QTRT1: variants seen among roughly 807,000 people sequenced by gnomAD.
The protein encoded by QTRT1 is TGT, 43-KD subunit.
QTRT1 carries 41 observed loss-of-function variants against 44.0 expected under a neutral mutation model. The observed-to-expected ratio is 0.93, with a 90% CI of 0.73 to 1.21. The LOEUF is 1.21. Among genes scored for constraint, QTRT1 ranks in the 50% most tolerant of loss-of-function variants. The probability of loss-of-function intolerance (pLI) is 0.00; values close to 1 mark genes in which losing one functional copy is unlikely to be tolerated. For missense variants in QTRT1, 542 were observed against 575.8 expected (o/e 0.94, Z 0.60); for synonymous variants, 226 against 237.1 (o/e 0.95, Z 0.43).
At chr19:10,706,468 G>C (rs1402330251) in intron 3 of QTRT1, among the ~76,000 whole-genome samples, 1 of 151,992 alleles carries the variant, frequency 6.6e-6, no homozygotes, top group Non-Finnish European at 1.5e-5. Flanking sequence ...CGTCTTCCGG[G>C]TTCAAGCGAT....
At chr19:10,708,645 A>G (rs994185476) in intron 5 of QTRT1, among the ~76,000 whole-genome samples, 1 of 151,980 alleles carries the variant, frequency 6.6e-6, no homozygotes, top group African/African-American at 2.4e-5. Flanking sequence ...TGATCCGACC[A>G]GAGTTGGAGC....
rs375494589 is a variant in QTRT1, at chr19:10,707,526, T to C, written c.557T>C (p.Ile186Thr). The C allele has an allele frequency of 1.9e-6, 3 of 1,613,170 alleles. No homozygotes were observed. The highest frequency in any genetic ancestry group is 2.2e-5 in the East Asian group (1 of 44,864). The change falls in exon 5 of 10, where the codon ATT becomes ACT. Residue 186 changes from isoleucine (I) to threonine (T), a missense_variant. By Grantham distance (89) the Ile-to-Thr change is moderately conservative (BLOSUM62 -1). Coordinates refer to ENST00000250237, the MANE Select transcript of QTRT1 (RefSeq NM_031209.3). ...YRSIRWLDRC[I>T]AAHQRPDKQN... ...TCAATCCGCTGGCTGGACCGGTGCA[T>C]TGCAGCCCATCAGCGGCCGGACAAG...
At chr19:10,701,832 A>G in intron 1 of QTRT1, 118 bp from the exon 2 acceptor site, 2 of 1,574,920 alleles carry the variant, frequency 1.3e-6, no homozygotes, top group Non-Finnish European at 1.7e-6. Flanking sequence ...CCCAATGACC[A>G]GGCCTTGTAC....
Position 10,705,238 on chromosome 19 carries a change from CT to C in QTRT1, c.452-2053del, listed in dbSNP as rs1198890902. Reference sequence around the variant, plus strand: ...CCCCATATTTATTTTTTCGTCTTTTCTTTTTTTTTTTCTTTTTTGAGAAGGA... The same window carrying C: ...CCCCATATTTATTTTTTCGTCTTTTCTTTTTTTTTTCTTTTTTGAGAAGGA... On this transcript the variant is annotated intron_variant, in intron 3 of 9. Coordinates refer to ENST00000250237, the MANE Select transcript of QTRT1 (RefSeq NM_031209.3). 4.3e-4 allele frequency among the ~76,000 whole-genome samples: 59 copies of C among 138,564 alleles called. 1 individual carries two copies. The East Asian group carries it at 4.3e-3, about 10-fold the overall frequency. The allele number at this position is 138,564 out of a possible 152,430, so 90.9% of individuals were successfully genotyped here. A position where few individuals can be genotyped will look rare whatever the true frequency, so the allele number is the denominator to read the frequency against.
chr19:10,713,017 A>G lies in QTRT1; in HGVS notation c.1036A>G (p.Thr346Ala), dbSNP rs2068746600. The change falls in exon 9 of 10, where the codon ACG becomes GCG. Residue 346 changes from threonine (T) to alanine (A), a missense_variant. Transcript: ENST00000250237. This position sits in a 1 kb window ranked among gnomAD's most constrained non-coding sequence, Gnocchi z 4.3. ...CAACACGGCCGCGCTGCACCACCTCACGGTCCACAACATCGCCTACCAGGT... is the reference window on the plus strand; with the variant it reads ...CAACACGGCCGCGCTGCACCACCTCGCGGTCCACAACATCGCCTACCAGGT... ...SDNTAALHHL[T>A]VHNIAYQLQL... The G allele has an allele frequency of 1.2e-6, 2 of 1,611,278 alleles. No individual in the cohort carries two copies. The highest frequency in any genetic ancestry group is 1.7e-6 in the Non-Finnish European group (2 of 1,179,822).
intron 5 of QTRT1, among the ~76,000 whole-genome samples, chr19:10,709,665 G>A (rs1268693180): frequency 3.3e-5 from 5 of 152,176 alleles, no homozygotes; most frequent in African/African-American, 4.8e-5. Context: ...TGGCTAACAC[G>A]GTGAAACCCC....
chr19:10,711,979 G>A (rs2068740544), intron 5 of QTRT1, 182 bp from the exon 6 acceptor site: 1 of 703,140 alleles, frequency 1.4e-6, no homozygotes, highest in African/African-American at 1.8e-5. Flanking sequence ...ACAAACTGAT[G>A]GACCCTCTCC....
Position 10,702,253 on chromosome 19 carries a change from G to C in QTRT1, c.450G>C (p.Leu150=). ...PEKSVQIQNA[L]GSDIIMQLDD... is the part of the protein sequence containing the mutation. ...AATCCGTGCAGATCCAGAATGCGCT[G>C]GGTGAGAGGACCCTGGGGAGCCGCC... The change falls in exon 3 of 10, where the codon CTG becomes CTC. Residue 150 remains leucine, a splice_region_variant and synonymous_variant. Transcript: ENST00000250237. 1 of 1,613,714 alleles carries C rather than the reference G, an allele frequency of 6.2e-7. No homozygotes were observed. Among genetic ancestry groups the C allele is most frequent in the Non-Finnish European group, 8.5e-7 (1 of 1,179,764 alleles).
At chr19:10,710,143 T>C (rs2068731972) in intron 5 of QTRT1, among the ~76,000 whole-genome samples, 1 of 151,614 alleles carries the variant, frequency 6.6e-6, no homozygotes, top group Non-Finnish European at 1.5e-5. Context: ...TATGATGACA[T>C]CACTGTACTG....
intron 5 of QTRT1, among the ~76,000 whole-genome samples, chr19:10,709,518 C>T (rs1241412950): frequency 1.3e-5 from 2 of 152,118 alleles, no homozygotes; most frequent in East Asian, 3.9e-4. Flanking sequence ...TCGAGACCAG[C>T]CTGGCCAACA....
At position 10,712,933 on chromosome 19, in the gene QTRT1, T is replaced by G; in HGVS notation, c.972-20T>G. ...GGGACAGGGCCTGGCCGTGCTGAGC[T>G]GTCCCCTGCCGCTCTACAGGCACAG... On this transcript the variant is annotated intron_variant, in intron 8 of 9. Coordinates refer to ENST00000250237, the MANE Select transcript of QTRT1 (RefSeq NM_031209.3). The surrounding 1 kb of genome is among the most constrained non-coding windows in gnomAD (Gnocchi z 5.6). 6.2e-7 allele frequency: 1 copy of G among 1,613,022 alleles called. No homozygotes were observed. Among genetic ancestry groups the G allele is most frequent in the Non-Finnish European group, 8.5e-7 (1 of 1,179,818 alleles).
chr19:10,709,881 G>T (rs538923517), intron 5 of QTRT1, among the ~76,000 whole-genome samples: 21 of 151,836 alleles, frequency 1.4e-4, no homozygotes, highest in Non-Finnish European at 2.9e-4. Context: ...CATGGTGGTG[G>T]GCACCTGTAA....
intron 5 of QTRT1, among the ~76,000 whole-genome samples, chr19:10,708,641 G>T (rs755174022): frequency 6.6e-6 from 1 of 151,860 alleles, no homozygotes; most frequent in Non-Finnish European, 1.5e-5. Context: ...CCCATGATCC[G>T]ACCAGAGTTG....
chr19:10,707,539 G>T lies in QTRT1; in HGVS notation c.570G>T (p.Gln190His). Reference sequence around the variant, plus strand: ...TGGACCGGTGCATTGCAGCCCATCAGCGGCCGGACAAGCAGAACCTCTTCG... The same window carrying T: ...TGGACCGGTGCATTGCAGCCCATCATCGGCCGGACAAGCAGAACCTCTTCG... The part of the protein sequence containing the change: ...RWLDRCIAAH[Q>H]RPDKQNLFAI... The change falls in exon 5 of 10, where the codon CAG becomes CAT. Residue 190 changes from glutamine to histidine, a missense_variant. By Grantham distance (24) the Gln-to-His change is conservative. Transcript: ENST00000250237. 1.9e-6 allele frequency: 3 copies of T among 1,613,194 alleles called. No homozygotes were observed. Among genetic ancestry groups the T allele is most frequent in the Non-Finnish European group, 2.5e-6 (3 of 1,179,568 alleles).
At position 10,701,686 on chromosome 19, in the gene QTRT1, C is replaced by A. The variant is rs868134700; in HGVS notation, c.226C>A (p.His76Asn). 6 of 1,582,878 alleles carry A rather than the reference C, an allele frequency of 3.8e-6. No individual in the cohort carries two copies. Among genetic ancestry groups the A allele is most frequent in the South Asian group, 1.1e-5 (1 of 88,012 alleles). ...CCGCATCTGCCTGGGCAATACCTAC[C>A]ATCTGGGTCTAAGGCCGGTGGGTGG... is the stretch of plus-strand genomic sequence containing the variant. ...GCRICLGNTY[H>N]LGLRPGPELI... Residue 76 changes from histidine to asparagine, a missense_variant, in exon 1 of 10, where the codon CAT becomes AAT. By Grantham distance (68) the His-to-Asn change is moderately conservative. Transcript: ENST00000250237.
At position 10,712,944 on chromosome 19, in the gene QTRT1, G is replaced by T. The variant is rs368319323; in HGVS notation, c.972-9G>T. ...TGGCCGTGCTGAGCTGTCCCCTGCC[G>T]CTCTACAGGCACAGCCGCGCCTTCC... On this transcript the variant is annotated splice_polypyrimidine_tract_variant and intron_variant, in intron 8 of 9. Coordinates refer to ENST00000250237, the MANE Select transcript of QTRT1 (RefSeq NM_031209.3). The surrounding 1 kb of genome is among the most constrained non-coding windows in gnomAD (Gnocchi z 5.6). The T allele has an allele frequency of 6.2e-7, 1 of 1,613,028 alleles. No homozygotes were observed. The highest frequency in any genetic ancestry group is 1.6e-4 in the Middle Eastern group (1 of 6,062).
intron 3 of QTRT1, among the ~76,000 whole-genome samples, chr19:10,702,520 A>C (rs1454004140): frequency 6.6e-6 from 1 of 152,060 alleles, no homozygotes; most frequent in African/African-American, 2.4e-5. Context: ...TTAGCAAATT[A>C]AGACTGGACG....
intron 5 of QTRT1, among the ~76,000 whole-genome samples, chr19:10,708,336 T>G (rs977456957): frequency 2.0e-5 from 3 of 152,166 alleles, no homozygotes; most frequent in Non-Finnish European, 4.4e-5. Context: ...CAAAGCTCAC[T>G]GCAGCCTCAA....
At position 10,712,894 on chromosome 19, in the gene QTRT1, G is replaced by A. The variant is rs759386232; in HGVS notation, c.971+27G>A. ...TAGGCAGGATGGCACTGGGAGCTGG[G>A]GCAGGGCATGGAGGGGACAGGGCCT... On this transcript the variant is annotated intron_variant, in intron 8 of 9. Coordinates refer to ENST00000250237, the MANE Select transcript of QTRT1 (RefSeq NM_031209.3). The surrounding 1 kb of genome is among the most constrained non-coding windows in gnomAD (Gnocchi z 5.6). 1 of 1,613,154 alleles carries A rather than the reference G, an allele frequency of 6.2e-7. No individual in the cohort carries two copies. The highest frequency in any genetic ancestry group is 2.2e-5 in the East Asian group (1 of 44,876).
Sources: allele counts gnomAD v4.1 joint callset (sites outside exome capture counted in the v4.1 genomes callset), GRCh38; gene constraint gnomAD v4.1.1; non-coding constraint Gnocchi (gnomAD v3.1); transcripts MANE v1.5; gene names NCBI Gene and HGNC (gene_info 2026-07-23, HGNC 2026-07-21).